NOM1: variants seen among roughly 807,000 people sequenced by gnomAD.
The protein encoded by NOM1 is nucleolar protein with MIF4G domain 1.
Under a neutral mutation model 73.3 loss-of-function variants are expected in NOM1, and 58 were observed. The observed-to-expected ratio is 0.79, with a 90% CI of 0.64 to 0.99. The LOEUF (loss-of-function observed/expected upper bound fraction) is 0.99, where lower values mean the gene tolerates loss of function less well. NOM1 is among the 50% of genes least tolerant of loss of function. The pLI, the probability that NOM1 is intolerant of heterozygous loss-of-function variation, is 0.00. For missense variants in NOM1, 1,226 were observed against 1,131.9 expected, an observed-to-expected ratio of 1.08 and a Z score of -1.19; for synonymous variants, 487 against 446.8, an observed-to-expected ratio of 1.09 and a Z score of -1.14.
At chr7:156,961,309 G>A (rs372550098) in intron 4 of NOM1, among the ~76,000 whole-genome samples, 1 of 152,148 alleles carries the variant, frequency 6.6e-6, no homozygotes, top group Admixed American at 6.5e-5. Context: ...AGGAGGAAGG[G>A]ATTTGCATTT....
intron 4 of NOM1, 35 bp downstream of exon 4, chr7:156,960,209 C>T (rs1390501405): frequency 6.4e-7 from 1 of 1,552,194 alleles, no homozygotes. Flanking sequence ...TTCCTAAGTC[C>T]CTAAAGCTCA....
intron 7 of NOM1, 49 bp downstream of exon 7, chr7:156,964,075 T>A (rs770449995): frequency 1.9e-6 from 3 of 1,585,716 alleles, no homozygotes; most frequent in Non-Finnish European, 2.6e-6. Flanking sequence ...TGCTGTAAAA[T>A]AAGTAAGTTG....
rs968786467 is a variant in NOM1, at chr7:156,972,595, G to A, written c.*2892G>A. The stretch of plus-strand genomic sequence containing the variant: ...CGCCTGTAATCCCAGCACTTTGGGA[G>A]GTTGCGGGTGGATCACTTGAGGTCA... On this transcript the variant is annotated 3_prime_UTR_variant, in exon 11 of 11. Coordinates refer to ENST00000275820, the MANE Select transcript of NOM1 (RefSeq NM_138400.2). 1 of 152,250 alleles carries A rather than the reference G, an allele frequency of 6.6e-6. No homozygotes were observed. The highest frequency in any genetic ancestry group is 1.5e-5 in the Non-Finnish European group (1 of 68,070). 9.4% of individuals were successfully genotyped at this position (152,250 alleles called of 1,614,324 possible). A position where few individuals can be genotyped will look rare whatever the true frequency, so the allele number is the denominator to read the frequency against.
At chr7:156,960,262 T>TA in intron 4 of NOM1, 88 bp downstream of exon 4, 1 of 1,067,108 alleles carries the variant, frequency 9.4e-7, no homozygotes, top group Middle Eastern at 2.3e-4. Flanking sequence ...GGGTAAATAT[T>TA]ACACTTGCTT....
In NOM1 at chr7:156,950,317, G is replaced by C. The variant is rs748474086; in HGVS notation, c.580G>C (p.Gly194Arg). 1 of 1,614,046 alleles carries C rather than the reference G, an allele frequency of 6.2e-7. No homozygotes were observed. Among genetic ancestry groups the C allele is most frequent in the Non-Finnish European group, 8.5e-7 (1 of 1,179,924 alleles). The change falls in exon 1 of 11, where the codon GGT becomes CGT. Residue 194 changes from glycine to arginine, a missense_variant. Physicochemically the swap from Gly to Arg is moderately radical, Grantham distance 125. Transcript: ENST00000275820. The stretch of plus-strand genomic sequence containing the variant: ...GATCCGAAAGCTGGAGCGTTGCCTC[G>C]GTTTGAACAAGCGCAAAAAGAAGGA... ...REIRKLERCL[G>R]LNKRKKKDGS...
rs750619712 is a variant in NOM1, at chr7:156,950,192, A to AGGCCAC, written c.460_465dup (p.Thr154_Ala155dup). ...CCGCGGCCGTCCCGGGTCAAGGCCAAGGCCACGGCCGCCACCGCAAAGACC... is the reference window on the plus strand; with the variant it reads ...CCGCGGCCGTCCCGGGTCAAGGCCAAGGCCACGGCCACGGCCGCCACCGCAAAGACC... On this transcript the variant is annotated inframe_insertion, in exon 1 of 11. Transcript: ENST00000275820. 29 of 1,608,428 alleles carry AGGCCAC rather than the reference A, an allele frequency of 1.8e-5. No individual in the cohort carries two copies. Among genetic ancestry groups the AGGCCAC allele is most frequent in the Admixed American group, 1.2e-4 (7 of 59,664 alleles).
chr7:156,956,481 T>G (rs929921728), intron 3 of NOM1, among the ~76,000 whole-genome samples: 1 of 152,240 alleles, frequency 6.6e-6, no homozygotes, highest in Non-Finnish European at 1.5e-5. Context: ...TTTTCGTGTT[T>G]TAATTCTGTT....
Position 156,949,809 on chromosome 7 carries a change from C to T in NOM1, c.72C>T (p.Arg24=). 5 of 1,443,760 alleles carry T rather than the reference C, an allele frequency of 3.5e-6. No homozygotes were observed. The highest frequency in any genetic ancestry group is 4.5e-6 in the Non-Finnish European group (5 of 1,102,056). 89.4% of individuals were successfully genotyped at this position (1,443,760 alleles called of 1,614,324 possible). A position where few individuals can be genotyped will look rare whatever the true frequency, so the allele number is the denominator to read the frequency against. Residue 24 remains arginine, a synonymous_variant, in exon 1 of 11, where the codon CGC becomes CGT. Transcript: ENST00000275820. ...GSQGRVVRMK[R]RGGRGPRRGP... ...AGGGACGCGTGGTCCGCATGAAGCG[C>T]AGAGGCGGGCGCGGGCCGCGCCGCG...
intron 3 of NOM1, among the ~76,000 whole-genome samples, chr7:156,954,522 C>CTTTTTTTTTTTTTGTTTTT (rs1804672866): frequency 9.8e-6 from 1 of 101,660 alleles, no homozygotes; most frequent in Admixed American, 1.1e-4. Context: ...TCTGTCCATT[C>CTTTTTTTTTTTTTGTTTTT]TTTTTTTTTT....
chr7:156,952,630 T>G, intron 2 of NOM1, 32 bp downstream of exon 2: 1 of 1,595,992 alleles, frequency 6.3e-7, no homozygotes, highest in Non-Finnish European at 8.5e-7. Flanking sequence ...ACTGTGTCAC[T>G]TAGAGAGGTT....
intron 9 of NOM1, 79 bp downstream of exon 9, chr7:156,967,171 T>A: frequency 3.4e-6 from 5 of 1,469,554 alleles, no homozygotes; most frequent in Middle Eastern, 1.8e-4. Context: ...TCAGGTCCTG[T>A]TTTACCAGCG....
In NOM1 at chr7:156,951,868, G is replaced by A. The variant is rs145589234; in HGVS notation, c.988-606G>A. On this transcript the variant is annotated intron_variant, in intron 1 of 10. Coordinates refer to ENST00000275820, the MANE Select transcript of NOM1 (RefSeq NM_138400.2). ...ACTACAGGCGCCCACCACCATGCCCGGCTAATTTTTTGTATTTTCAGTAGA... is the reference window on the plus strand; with the variant it reads ...ACTACAGGCGCCCACCACCATGCCCAGCTAATTTTTTGTATTTTCAGTAGA... Among the ~76,000 whole-genome samples, 204 of 152,010 alleles carry A rather than the reference G, an allele frequency of 1.3e-3. 2 individuals are homozygous for A. The highest frequency in any genetic ancestry group is 4.8e-3 in the African/African-American group (201 of 41,470).
In NOM1 at chr7:156,966,319, G is replaced by A. The variant is rs777796299; in HGVS notation, c.2083G>A (p.Asp695Asn). The A allele has an allele frequency of 3.1e-6, 5 of 1,614,076 alleles. No homozygotes were observed. In the African/African-American group the frequency reaches 6.7e-5, roughly 22 times the overall value. Reference protein sequence around the residue: ...QEREIIHVLMDCCLQEKTYNP... With the variant: ...QEREIIHVLMNCCLQEKTYNP... ...GAGAGAAATCATTCACGTTCTCATG[G>A]ATTGCTGCCTTCAAGAGAAAACTTA... The change falls in exon 8 of 11, where the codon GAT becomes AAT. Residue 695 changes from aspartate (D) to asparagine (N), a missense_variant. By Grantham distance (23) the Asp-to-Asn change is conservative. Coordinates refer to ENST00000275820, the MANE Select transcript of NOM1 (RefSeq NM_138400.2).
chr7:156,954,342 G>C lies in NOM1; in HGVS notation c.1308+44G>C, dbSNP rs781017225. 3.3e-6 allele frequency: 5 copies of C among 1,499,132 alleles called. No individual in the cohort carries two copies. In the South Asian group the frequency reaches 6.6e-5, roughly 20 times the overall value. The allele number at this position is 1,499,132 out of a possible 1,614,324, so 92.9% of individuals were successfully genotyped here. A position where few individuals can be genotyped will look rare whatever the true frequency, so the allele number is the denominator to read the frequency against. ...TCCAGGCTGTCACTAGTGTCTCATG[G>C]TGATTATTTTAATGATAGGCTTGAT... On this transcript the variant is annotated intron_variant, in intron 3 of 10. Coordinates refer to ENST00000275820, the MANE Select transcript of NOM1 (RefSeq NM_138400.2).
Position 156,969,607 on chromosome 7 carries a change from ACAGGCC to A in NOM1, c.2490_2495del (p.Gln830_Ala831del). The A allele has an allele frequency of 6.2e-7, 1 of 1,614,078 alleles. No homozygotes were observed. Among genetic ancestry groups the A allele is most frequent in the South Asian group, 1.1e-5 (1 of 91,074 alleles). On this transcript the variant is annotated inframe_deletion, in exon 11 of 11. Transcript: ENST00000275820. ...TCAGCCACTTCTTGCTAAAGAACGCACAGGCCCACAGAAGCGCCGACGAAGCCAACG... is the reference window on the plus strand; with the variant it reads ...TCAGCCACTTCTTGCTAAAGAACGCACACAGAAGCGCCGACGAAGCCAACG...
intron 5 of NOM1, 123 bp from the exon 6 acceptor site, chr7:156,962,885 A>G (rs1157303163): frequency 5.6e-6 from 6 of 1,069,156 alleles, no homozygotes; most frequent in African/African-American, 3.2e-5. Flanking sequence ...CCCAATTGCC[A>G]GTGACCCATT....
intron 3 of NOM1, among the ~76,000 whole-genome samples, chr7:156,956,141 C>T (rs957231413): frequency 1.4e-4 from 21 of 150,906 alleles, no homozygotes; most frequent in African/African-American, 4.9e-4. Flanking sequence ...TGCAGTGAGC[C>T]GAGATCGCGT....
At chr7:156,964,196 G>A (rs899923128) in intron 7 of NOM1, 170 bp downstream of exon 7, 13 of 513,488 alleles carry the variant, frequency 2.5e-5, no homozygotes, top group East Asian at 1.0e-4. Flanking sequence ...TGGGTTAGTC[G>A]TCATGTTCCT....
chr7:156,961,366 G>A (rs556824364), intron 4 of NOM1, among the ~76,000 whole-genome samples: 9 of 152,220 alleles, frequency 5.9e-5, no homozygotes, highest in African/African-American at 1.7e-4. Flanking sequence ...CCTGGTCCCC[G>A]GAGAAGCCAG....
Sources: allele counts gnomAD v4.1 joint callset (sites outside exome capture counted in the v4.1 genomes callset), GRCh38; gene constraint gnomAD v4.1.1; transcripts MANE v1.5; gene names NCBI Gene and HGNC (gene_info 2026-07-23, HGNC 2026-07-21).